BABAM2: variants seen among roughly 807,000 people sequenced by gnomAD.
BABAM2 encodes the protein BRISC and BRCA1-A complex member 2.
In BABAM2, 31 loss-of-function variants were observed where a neutral mutation model predicts 54.7. The observed-to-expected ratio is 0.57, with a 90% CI of 0.43 to 0.77. The LOEUF is 0.77. BABAM2 is among the 30% of genes least tolerant of loss of function. The pLI, the probability that BABAM2 is intolerant of heterozygous loss-of-function variation, is 0.00. For missense variants in BABAM2, 364 were observed against 455.8 expected (o/e 0.80, Z 1.83); for synonymous variants, 167 against 162.9 (o/e 1.03, Z -0.19).
chr2:27,907,248 A>G (rs897678670), intron 2 of BABAM2, among the ~76,000 whole-genome samples: 1 of 151,970 alleles, frequency 6.6e-6, no homozygotes, highest in Non-Finnish European at 1.5e-5. Flanking sequence ...CTTTTTGAAA[A>G]ATACATCTTT....
chr2:27,984,665 G>T lies in BABAM2; in HGVS notation c.206-3328G>T, dbSNP rs546453356. 3.2e-3 allele frequency among the ~76,000 whole-genome samples: 486 copies of T among 150,858 alleles called. 2 individuals are homozygous for T. The highest frequency in any genetic ancestry group is 0.011 in the African/African-American group (471 of 41,116). On this transcript the variant is annotated intron_variant, in intron 3 of 11. Coordinates refer to ENST00000379624, the MANE Select transcript of BABAM2 (RefSeq NM_199191.3). ...ATATATTTTATTTTTAGTTTTTTTT[G>T]TGTGTTGCATTTCTCACATTTTATT...
chr2:28,333,414 G>A (rs915980746), intron 11 of BABAM2, among the ~76,000 whole-genome samples: 2 of 152,126 alleles, frequency 1.3e-5, no homozygotes, highest in Non-Finnish European at 1.5e-5. Flanking sequence ...CTGAAGCCCA[G>A]AAGAGATTTA....
intron 2 of BABAM2, among the ~76,000 whole-genome samples, chr2:27,928,034 A>G (rs2148346764): frequency 6.6e-6 from 1 of 150,528 alleles, no homozygotes; most frequent in East Asian, 2.0e-4. Flanking sequence ...ATTTTTTGAG[A>G]TGGAGTCTTG....
Position 28,298,444 on chromosome 2 carries a change from T to C in BABAM2, c.1041T>C (p.Tyr347=), listed in dbSNP as rs755917634. The part of the protein sequence containing the change: ...GQLYSQAQKN[Y]PYSPRWDGNE... Reference sequence around the variant, plus strand: ...TTTACTCCCAGGCCCAAAAAAATTATCCGTACAGCCCCAGATGGGATGGAA... The same window carrying C: ...TTTACTCCCAGGCCCAAAAAAATTACCCGTACAGCCCCAGATGGGATGGAA... Residue 347 remains tyrosine, a synonymous_variant, in exon 11 of 12, where the codon TAT becomes TAC. Transcript: ENST00000379624. The C allele has an allele frequency of 1.2e-6, 2 of 1,614,156 alleles. No individual in the cohort carries two copies. The highest frequency in any genetic ancestry group is 1.7e-6 in the Non-Finnish European group (2 of 1,180,016).
At chr2:28,209,813 C>T (rs933090370) in intron 7 of BABAM2, among the ~76,000 whole-genome samples, 4 of 152,080 alleles carry the variant, frequency 2.6e-5, no homozygotes, top group Non-Finnish European at 5.9e-5. Context: ...GAGATATAGA[C>T]ATGTTTTACC....
At chr2:27,984,459 G>T (rs1350379556) in intron 3 of BABAM2, among the ~76,000 whole-genome samples, 1 of 151,964 alleles carries the variant, frequency 6.6e-6, no homozygotes, top group Non-Finnish European at 1.5e-5. Context: ...ATTTATCATA[G>T]ATACAATTGA....
chr2:28,101,539 T>G (rs1328334834), intron 6 of BABAM2, among the ~76,000 whole-genome samples: 1 of 152,006 alleles, frequency 6.6e-6, no homozygotes, highest in Non-Finnish European at 1.5e-5. Context: ...TGAGATAGAG[T>G]CTGTCTTTCC....
chr2:28,326,274 T>C (rs991717427), intron 11 of BABAM2, among the ~76,000 whole-genome samples: 1 of 152,096 alleles, frequency 6.6e-6, no homozygotes, highest in Non-Finnish European at 1.5e-5. Flanking sequence ...TGTGGTGAGC[T>C]CCCTGCACCC....
At chr2:28,247,697 C>T (rs2148087769) in intron 10 of BABAM2, among the ~76,000 whole-genome samples, 1 of 152,266 alleles carries the variant, frequency 6.6e-6, no homozygotes, top group Middle Eastern at 3.4e-3. Flanking sequence ...CTCTGTTCTC[C>T]CCTTCCTCCC....
chr2:28,274,427 A>ATGTTT (rs1405699214), intron 10 of BABAM2, among the ~76,000 whole-genome samples: 2 of 151,948 alleles, frequency 1.3e-5, no homozygotes, highest in Non-Finnish European at 2.9e-5. Flanking sequence ...AATCTAAACC[A>ATGTTT]TGTTTTGTTT....
At chr2:28,048,491 C>G (rs937156495) in intron 6 of BABAM2, among the ~76,000 whole-genome samples, 2 of 152,112 alleles carry the variant, frequency 1.3e-5, no homozygotes, top group African/African-American at 2.4e-5. Flanking sequence ...AACATAAACA[C>G]GAAAAATATT....
At position 28,315,160 on chromosome 2, in the gene BABAM2, A is replaced by G. The variant is rs1689422929; in HGVS notation, c.1088+16669A>G. 2.0e-5 allele frequency among the ~76,000 whole-genome samples: 3 copies of G among 151,824 alleles called. No homozygotes were observed. In the South Asian group the frequency reaches 6.3e-4, roughly 32 times the overall value. On this transcript the variant is annotated intron_variant, in intron 11 of 11. Transcript: ENST00000379624. ...GGAGAGGGGAGGAGATATGCAGGGT[A>G]CAGAGAACATGCCCTCTGGAATCAG...
intron 4 of BABAM2, among the ~76,000 whole-genome samples, chr2:28,022,731 A>G (rs890197267): frequency 6.6e-6 from 1 of 152,162 alleles, no homozygotes; most frequent in South Asian, 2.1e-4. Flanking sequence ...AGAGAGAGAA[A>G]CACTTATTTT....
rs544911178 is a variant in BABAM2, at chr2:28,273,801, C to T, written c.935-24537C>T. ...GGCTACACAGGCAGTCAAAGGAGCACCCATCTTAGTCAGGAAACTGGGTTA... is the reference window on the plus strand; with the variant it reads ...GGCTACACAGGCAGTCAAAGGAGCATCCATCTTAGTCAGGAAACTGGGTTA... On this transcript the variant is annotated intron_variant, in intron 10 of 11. Transcript: ENST00000379624. Among the ~76,000 whole-genome samples the T allele has an allele frequency of 2.6e-5, 4 of 152,276 alleles. No homozygotes were observed. The East Asian group carries it at 5.8e-4, about 22-fold the overall frequency.
intron 10 of BABAM2, among the ~76,000 whole-genome samples, chr2:28,248,207 C>CTTTTTCTTTTCT (rs1553349503): frequency 1.8e-5 from 1 of 54,306 alleles, no homozygotes; most frequent in Non-Finnish European, 3.7e-5. Context: ...TTTTCTTTTT[C>CTTTTTCTTTTCT]TTTTTTTTTT....
intron 6 of BABAM2, among the ~76,000 whole-genome samples, chr2:28,127,989 T>C (rs965663467): frequency 6.6e-6 from 1 of 152,014 alleles, no homozygotes; most frequent in African/African-American, 2.4e-5. Flanking sequence ...TTTTTTTGTA[T>C]TTTTAGTAGA....
At chr2:28,259,871 G>T (rs1684334578) in intron 10 of BABAM2, among the ~76,000 whole-genome samples, 1 of 150,826 alleles carries the variant, frequency 6.6e-6, no homozygotes, top group Admixed American at 6.6e-5. Flanking sequence ...TCAAAAGTCA[G>T]TTGACCATAT....
At chr2:28,175,532 T>C (rs936537415) in intron 7 of BABAM2, among the ~76,000 whole-genome samples, 2 of 152,208 alleles carry the variant, frequency 1.3e-5, no homozygotes, top group African/African-American at 4.8e-5. Context: ...CCACCCAGCC[T>C]GTTGCCACCA....
intron 3 of BABAM2, among the ~76,000 whole-genome samples, chr2:27,983,549 G>A (rs1672169757): frequency 6.6e-6 from 1 of 152,122 alleles, no homozygotes; most frequent in Non-Finnish European, 1.5e-5. Flanking sequence ...AACTTGGGTT[G>A]TGTTGCCATT....
Sources: gnomAD v4.1 joint callset for allele counts (sites outside exome capture counted in the v4.1 genomes callset) on GRCh38, gnomAD v4.1.1 for gene constraint, MANE v1.5 for transcripts, NCBI Gene and HGNC (gene_info 2026-07-23, HGNC 2026-07-21) for gene names.